The following MYO16 variants were observed in gnomAD, a reference collection of about 807,000 sequenced individuals.
MYO16 encodes myosin XVI.
MYO16 carries 94 observed loss-of-function variants against 205.3 expected under a neutral mutation model. The ratio of observed to expected loss-of-function variants is 0.46; its 90% CI spans 0.39 to 0.54. The LOEUF (loss-of-function observed/expected upper bound fraction) is 0.54, where lower values mean the gene tolerates loss of function less well. Ranked by LOEUF, MYO16 falls within the 20% of genes least tolerant of loss-of-function variation. The probability of loss-of-function intolerance (pLI) is 0.00; values close to 1 mark genes in which losing one functional copy is unlikely to be tolerated. For missense variants in MYO16, 2,315 were observed against 2,387.5 expected (o/e 0.97, Z 0.63); for synonymous variants, 988 against 954.0 (o/e 1.04, Z -0.66).
the MYO16 span, among the ~76,000 whole-genome samples, chr13:108,525,661 A>G: frequency 5.9e-5 from 9 of 152,208 alleles, no homozygotes; most frequent in Non-Finnish European, 8.8e-5. Context: ...TCGTTTAACC[A>G]AGTGACTGAA....
At chr13:109,045,276 G>A (rs72654100) in intron 23 of MYO16, among the ~76,000 whole-genome samples, 7,902 of 152,162 alleles carry the variant, frequency 0.052, 269 homozygotes, top group Non-Finnish European at 0.07. Flanking sequence ...GTGCACACAC[G>A]GATGTGTAGC....
At chr13:108,674,782 T>C (rs1022625854) in intron 2 of MYO16, among the ~76,000 whole-genome samples, 7 of 152,210 alleles carry the variant, frequency 4.6e-5, no homozygotes, top group Non-Finnish European at 4.4e-5. Context: ...GGAATGTATG[T>C]AGACTCTCCC....
rs189135056 is a variant in MYO16, at chr13:109,012,597, G to A, written c.2595+3548G>A. Among the ~76,000 whole-genome samples the A allele has an allele frequency of 1.4e-4, 21 of 151,992 alleles. No individual in the cohort carries two copies. In the East Asian group the frequency reaches 4.1e-3, roughly 30 times the overall value. Reference sequence around the variant, plus strand: ...ACCATCCCCCCCACCCCTGGTCCGTGGAAAAATTGTCTTCCACAAAACCGT... The same window carrying A: ...ACCATCCCCCCCACCCCTGGTCCGTAGAAAAATTGTCTTCCACAAAACCGT... On this transcript the variant is annotated intron_variant, in intron 22 of 34. Transcript: ENST00000457511.
intron 14 of MYO16, among the ~76,000 whole-genome samples, chr13:108,889,361 A>G (rs1475709908): frequency 6.6e-6 from 1 of 152,216 alleles, no homozygotes; most frequent in Non-Finnish European, 1.5e-5. Context: ...AGATAAAGCT[A>G]AAAACATCCC....
At position 109,063,355 on chromosome 13, in the gene MYO16, T is replaced by TTTA. The variant is rs149782898; in HGVS notation, c.3335+7761_3335+7762insTAT. Among the ~76,000 whole-genome samples the TTTA allele has an allele frequency of 3.4e-4, 52 of 152,320 alleles. No individual in the cohort carries two copies. In the East Asian group the frequency reaches 9.8e-3, roughly 29 times the overall value. On this transcript the variant is annotated intron_variant, in intron 27 of 34. Coordinates refer to ENST00000457511, the MANE Select transcript of MYO16 (RefSeq NM_001198950.3). Reference sequence around the variant, plus strand: ...ATTATAAAGACTTAAGGACTCTGTCTTCAATGGCAAGAGACTTCACTAGTT... The same window carrying TTTA: ...ATTATAAAGACTTAAGGACTCTGTCTTTATCAATGGCAAGAGACTTCACTAGTT...
rs75929343 is a variant in MYO16 at position 108,864,427 on chromosome 13, T to C, written c.1360-1750T>C. On this transcript the variant is annotated intron_variant, in intron 11 of 34. Transcript: ENST00000457511. ...AATTTCAAAATGTTTGGTGATTTTC[T>C]AGGTACCTACTAGTGACTTCAGTAT... Among the ~76,000 whole-genome samples the C allele has an allele frequency of 0.021, 3,139 of 152,320 alleles. 198 individuals are homozygous for C. In the East Asian group the frequency reaches 0.21, roughly 10 times the overall value.
chr13:108,549,296 A>C, the MYO16 span, among the ~76,000 whole-genome samples: 1 of 152,156 alleles, frequency 6.6e-6, no homozygotes, highest in Non-Finnish European at 1.5e-5. Context: ...CTGGTTTTGA[A>C]GGGGAAAAAG....
At chr13:109,172,745 C>T (rs1198383262) in intron 33 of MYO16, among the ~76,000 whole-genome samples, 2 of 152,178 alleles carry the variant, frequency 1.3e-5, no homozygotes, top group Non-Finnish European at 2.9e-5. Context: ...ATTACCTATA[C>T]ACAGTTATTC....
intron 10 of MYO16, among the ~76,000 whole-genome samples, chr13:108,849,660 T>C (rs1877734410): frequency 7.8e-6 from 1 of 127,724 alleles, no homozygotes; most frequent in African/African-American, 2.9e-5. Context: ...TGTGTGTGTG[T>C]GTGTGTAACT....
At chr13:108,541,988 C>T in the MYO16 span, among the ~76,000 whole-genome samples, 4 of 152,102 alleles carry the variant, frequency 2.6e-5, no homozygotes, top group African/African-American at 9.7e-5. Context: ...TACAAATCAT[C>T]TTATTATAAA....
chr13:109,048,319 C>CT (rs201765664), intron 24 of MYO16: 228 of 733,384 alleles, frequency 3.1e-4, no homozygotes, highest in Admixed American at 1.1e-3. Flanking sequence ...ACAATTCAGT[C>CT]TTTTTTTTTA....
intron 16 of MYO16, among the ~76,000 whole-genome samples, chr13:108,941,328 C>T (rs978487519): frequency 1.3e-5 from 2 of 152,084 alleles, no homozygotes; most frequent in Admixed American, 6.5e-5. Flanking sequence ...TAGCCTTCTA[C>T]GAGGGGCCTA....
the MYO16 span, among the ~76,000 whole-genome samples, chr13:108,586,183 G>A: frequency 6.6e-6 from 1 of 151,796 alleles, no homozygotes; most frequent in Non-Finnish European, 1.5e-5. Context: ...AAAAAAAGAA[G>A]AGATCATTAG....
chr13:108,905,473 T>G (rs562356213), intron 15 of MYO16, among the ~76,000 whole-genome samples: 10 of 152,144 alleles, frequency 6.6e-5, no homozygotes, highest in Non-Finnish European at 1.3e-4. Context: ...GAAAAGAGCA[T>G]AGGACCAGCC....
At chr13:108,821,958 C>G (rs2893330) in intron 8 of MYO16, among the ~76,000 whole-genome samples, 36,699 of 151,914 alleles carry the variant, frequency 0.24, 5,047 homozygotes, top group East Asian at 0.65. Context: ...TTATCACATG[C>G]AAAACGCAAA....
chr13:108,964,142 C>A (rs886400535), intron 19 of MYO16, among the ~76,000 whole-genome samples: 3 of 152,216 alleles, frequency 2.0e-5, no homozygotes, highest in Non-Finnish European at 4.4e-5. Flanking sequence ...GGCTCCCATT[C>A]ACACTCAGCC....
chr13:108,871,618 T>C (rs1171089624), intron 12 of MYO16, among the ~76,000 whole-genome samples: 1 of 152,174 alleles, frequency 6.6e-6, no homozygotes, highest in Non-Finnish European at 1.5e-5. Context: ...GGTGGAAAGT[T>C]GGGCTGATAT....
chr13:108,838,642 T>G (rs1452176995), intron 9 of MYO16, among the ~76,000 whole-genome samples: 1 of 144,462 alleles, frequency 6.9e-6, no homozygotes, highest in African/African-American at 2.6e-5. Flanking sequence ...CACTCCAGCC[T>G]GGGTGACAGA....
Position 109,141,180 on chromosome 13 carries a change from G to A in MYO16, c.4968G>A (p.Lys1656=). 2 of 1,608,834 alleles carry A rather than the reference G, an allele frequency of 1.2e-6. No individual in the cohort carries two copies. The highest frequency in any genetic ancestry group is 1.7e-6 in the Non-Finnish European group (2 of 1,177,646). Residue 1656 remains lysine, a synonymous_variant, in exon 32 of 35, where the codon AAG becomes AAA. Coordinates refer to ENST00000457511, the MANE Select transcript of MYO16 (RefSeq NM_001198950.3). This position sits in a 1 kb window ranked among gnomAD's most constrained non-coding sequence, Gnocchi z 4.1. ...CCGGGCCCTGCAGCTCCTTCCCCAA[G>A]ATCCCATATTCCCCCGTGAAGGCCA... ...PVAGPCSSFP[K]IPYSPVKATR...
Sources: allele counts gnomAD v4.1 joint callset (sites outside exome capture counted in the v4.1 genomes callset), GRCh38; gene constraint gnomAD v4.1.1; non-coding constraint Gnocchi (gnomAD v3.1); transcripts MANE v1.5; gene names NCBI Gene and HGNC (gene_info 2026-07-23, HGNC 2026-07-21).